CLVS1: variants seen among roughly 807,000 people sequenced by gnomAD.
CLVS1 encodes clavesin 1.
A neutral mutation model predicts 33.1 loss-of-function variants in CLVS1; 10 were observed. The ratio of observed to expected loss-of-function variants is 0.30; its 90% CI spans 0.19 to 0.51. CLVS1 has a LOEUF of 0.51. CLVS1 is among the 20% of genes least tolerant of loss of function. The probability of loss-of-function intolerance (pLI) is 0.97; values close to 1 mark genes in which losing one functional copy is unlikely to be tolerated. For missense variants in CLVS1, 343 were observed against 433.4 expected, an observed-to-expected ratio of 0.79 and a Z score of 1.85; for synonymous variants, 163 against 166.1, an observed-to-expected ratio of 0.98 and a Z score of 0.14.
chr8:61,046,383 T>C, the CLVS1 span, among the ~76,000 whole-genome samples: 74 of 146,040 alleles, frequency 5.1e-4, no homozygotes, highest in African/African-American at 1.9e-3. Flanking sequence ...GCTGTTTTGG[T>C]TACTGTAGCC....
At chr8:61,371,796 A>G (rs1416278372) in intron 2 of CLVS1, among the ~76,000 whole-genome samples, 1 of 152,222 alleles carries the variant, frequency 6.6e-6, no homozygotes, top group Non-Finnish European at 1.5e-5. Context: ...ACTCGTATAT[A>G]CAACAGTAGA....
At chr8:61,415,517 A>T (rs1279760499) in intron 3 of CLVS1, among the ~76,000 whole-genome samples, 2 of 152,188 alleles carry the variant, frequency 1.3e-5, no homozygotes, top group African/African-American at 4.8e-5. Context: ...AAGGTAAAAA[A>T]CTTTATTCAA....
chr8:61,471,002 T>A (rs1043884141), intron 5 of CLVS1, among the ~76,000 whole-genome samples: 1 of 152,236 alleles, frequency 6.6e-6, no homozygotes, highest in Non-Finnish European at 1.5e-5. Flanking sequence ...TGGCTGTTCA[T>A]GATAGGCCTC....
intron 3 of CLVS1, among the ~76,000 whole-genome samples, chr8:61,447,063 T>C (rs1025290150): frequency 1.1e-4 from 16 of 152,116 alleles, no homozygotes; most frequent in Admixed American, 5.2e-4. Flanking sequence ...TATTCTTCTG[T>C]TTTGGGGTGA....
intron 2 of CLVS1, among the ~76,000 whole-genome samples, chr8:61,145,287 G>A (rs1256078895): frequency 6.6e-6 from 1 of 152,184 alleles, no homozygotes; most frequent in Non-Finnish European, 1.5e-5. Flanking sequence ...TGAAAAAGTG[G>A]GCGAAGGATA....
chr8:61,217,316 A>G lies in CLVS1; in HGVS notation c.-151-82361A>G, dbSNP rs546236544. On this transcript the variant is annotated intron_variant, in intron 2 of 2. Transcript: ENST00000522621. ...TGGGAGGGGCCAAATGAAAGGGGCT[A>G]TAGTGCAGATTGTGACTTTTTATTT... is the stretch of plus-strand genomic sequence containing the variant. Among the ~76,000 whole-genome samples the G allele has an allele frequency of 1.4e-4, 21 of 152,322 alleles. No individual in the cohort carries two copies. The South Asian group carries it at 4.4e-3, about 32-fold the overall frequency.
chr8:61,254,323 T>C (rs963407657), intron 2 of CLVS1, among the ~76,000 whole-genome samples: 3 of 152,232 alleles, frequency 2.0e-5, no homozygotes, highest in Non-Finnish European at 4.4e-5. Context: ...GGTGTCAGTC[T>C]GCCCCTACTG....
At chr8:60,969,984 G>A in the CLVS1 span, among the ~76,000 whole-genome samples, 1 of 152,088 alleles carries the variant, frequency 6.6e-6, no homozygotes, top group Non-Finnish European at 1.5e-5. Flanking sequence ...GGTATTTGAG[G>A]GGGTCCTGGA....
At chr8:61,491,185 C>A (rs1214176038) in intron 5 of CLVS1, among the ~76,000 whole-genome samples, 1 of 152,094 alleles carries the variant, frequency 6.6e-6, no homozygotes, top group Non-Finnish European at 1.5e-5. Context: ...AAAATAAAAT[C>A]TAATTATTTT....
rs28679422 is a variant in CLVS1 at position 61,391,703 on chromosome 8, G to A, written c.630+14924G>A. On this transcript the variant is annotated intron_variant, in intron 3 of 5. Coordinates refer to ENST00000325897, the MANE Select transcript of CLVS1 (RefSeq NM_173519.3). ...ATGCCCTAATCTGTAGACTCATTAA[G>A]GATTTGGAAGAAATTATGAATGACT... 9.3e-3 allele frequency among the ~76,000 whole-genome samples: 1,421 copies of A among 152,242 alleles called. 34 individuals are homozygous for A. The highest frequency in any genetic ancestry group is 0.032 in the African/African-American group (1,322 of 41,536).
chr8:61,165,814 T>C (rs1389268310), intron 2 of CLVS1, among the ~76,000 whole-genome samples: 1 of 152,214 alleles, frequency 6.6e-6, no homozygotes, highest in East Asian at 1.9e-4. Context: ...AGAATAAATC[T>C]CTTCAAATAA....
chr8:61,418,086 C>G (rs1440258505), intron 3 of CLVS1, among the ~76,000 whole-genome samples: 1 of 152,258 alleles, frequency 6.6e-6, no homozygotes, highest in Non-Finnish European at 1.5e-5. Flanking sequence ...GAGCCCGGCT[C>G]TGCCTGCTAC....
At chr8:61,305,700 C>T (rs77529910) in intron 2 of CLVS1, among the ~76,000 whole-genome samples, 1,730 of 152,162 alleles carry the variant, frequency 0.011, 46 homozygotes, top group African/African-American at 0.04. Flanking sequence ...CTTGGCCCTC[C>T]CTCCTCCCAC....
chr8:61,452,296 A>G (rs1816991478), intron 3 of CLVS1, among the ~76,000 whole-genome samples: 1 of 152,240 alleles, frequency 6.6e-6, no homozygotes, highest in African/African-American at 2.4e-5. Flanking sequence ...GTTCCACTTC[A>G]GTAACCTAGA....
intron 2 of CLVS1, among the ~76,000 whole-genome samples, chr8:61,244,184 A>AT (rs34240475): frequency 0.33 from 50,085 of 149,614 alleles, 8,774 homozygotes; most frequent in Admixed American, 0.39. Context: ...AGGGCATTGC[A>AT]TTTTTTTTTT....
chr8:61,335,693 T>C (rs1270763523), intron 2 of CLVS1, among the ~76,000 whole-genome samples: 3 of 152,214 alleles, frequency 2.0e-5, no homozygotes, highest in Non-Finnish European at 2.9e-5. Flanking sequence ...TATTTTCCAA[T>C]TTAAGGTATA....
At position 61,495,840 on chromosome 8, in the gene CLVS1, C is replaced by T. The variant is rs143836276; in HGVS notation, c.978-3615C>T. Among the ~76,000 whole-genome samples, 102 of 152,296 alleles carry T rather than the reference C, an allele frequency of 6.7e-4. 1 individual carries two copies. The East Asian group carries it at 0.017, about 25-fold the overall frequency. Reference sequence around the variant, plus strand: ...TGAGGTCACACCAGGAGTCTATGGGCAACCCAGCTAGTTGATGAAGAGATA... The same window carrying T: ...TGAGGTCACACCAGGAGTCTATGGGTAACCCAGCTAGTTGATGAAGAGATA... On this transcript the variant is annotated intron_variant, in intron 5 of 5. Coordinates refer to ENST00000325897, the MANE Select transcript of CLVS1 (RefSeq NM_173519.3).
chr8:61,352,613 G>A (rs1386527542), intron 2 of CLVS1, among the ~76,000 whole-genome samples: 4 of 151,952 alleles, frequency 2.6e-5, no homozygotes, highest in East Asian at 1.9e-4. Context: ...GGCTGTATTC[G>A]GATAAGGTAG....
At chr8:61,402,675 A>G (rs1188973840) in intron 3 of CLVS1, among the ~76,000 whole-genome samples, 2 of 152,244 alleles carry the variant, frequency 1.3e-5, no homozygotes, top group Admixed American at 6.5e-5. Flanking sequence ...ACTGGGCTAG[A>G]TGGTGAGTAT....
Sources: allele counts gnomAD v4.1 joint callset (sites outside exome capture counted in the v4.1 genomes callset), GRCh38; gene constraint gnomAD v4.1.1; transcripts MANE v1.5; gene names NCBI Gene and HGNC (gene_info 2026-07-23, HGNC 2026-07-21).